Variants in HRH2 observed in about 807,000 individuals in gnomAD.
HRH2 encodes histamine H2 receptor.
Under a neutral mutation model 20.1 loss-of-function variants are expected in HRH2, and 4 were observed. That is an observed-to-expected ratio of 0.20 (90% CI 0.10 to 0.45). The LOEUF is 0.45. HRH2 is among the 20% of genes least tolerant of loss of function. The pLI, the probability that HRH2 is intolerant of heterozygous loss-of-function variation, is 0.99. For missense variants in HRH2, 250 were observed against 461.6 expected (o/e 0.54, Z 4.20); for synonymous variants, 197 against 200.7 (o/e 0.98, Z 0.16).
intron 1 of HRH2, among the ~76,000 whole-genome samples, chr5:175,674,544 G>C (rs890268836): frequency 2.0e-5 from 3 of 151,978 alleles, no homozygotes; most frequent in Non-Finnish European, 4.4e-5. Context: ...ACACGTCTCG[G>C]GGGTAGTGAG....
Position 175,683,998 on chromosome 5 carries a change from G to A in HRH2, c.765G>A (p.Val255=), listed in dbSNP as rs1240201251. Residue 255 remains valine, a synonymous_variant, in exon 2 of 3, where the codon GTG becomes GTA. Coordinates refer to ENST00000636584, the MANE Select transcript of HRH2 (RefSeq NM_001367711.1). The part of the protein sequence containing the change: ...ICWFPYFTAF[V]YRGLRGDDAI... ...GGTTTCCCTACTTCACCGCGTTTGT[G>A]TACCGTGGGCTGAGAGGGGATGATG... is the stretch of plus-strand genomic sequence containing the variant. The A allele has an allele frequency of 4.3e-6, 7 of 1,614,174 alleles. No homozygotes were observed. The South Asian group carries it at 7.7e-5, about 18-fold the overall frequency.
In HRH2 at chr5:175,683,092, A is replaced by C. The variant is rs1464898672; in HGVS notation, c.-142A>C. On this transcript the variant is annotated 5_prime_UTR_variant, in exon 2 of 3. Transcript: ENST00000636584. ...TTGAAGCCTTCCCCACCCCCTGGCC[A>C]AAAAAAAAAAAAAAAAAAAACTGGA... 3.9e-6 allele frequency: 1 copy of C among 259,552 alleles called. No homozygotes were observed. The highest frequency in any genetic ancestry group is 5.3e-6 in the Non-Finnish European group (1 of 187,002). 16.1% of individuals were successfully genotyped at this position (259,552 alleles called of 1,614,324 possible).
intron 1 of HRH2, among the ~76,000 whole-genome samples, chr5:175,669,704 C>T (rs1755455477): frequency 6.6e-6 from 1 of 152,192 alleles, no homozygotes; most frequent in East Asian, 1.9e-4. Flanking sequence ...GCACATGGCA[C>T]CCTCCCATTG....
At chr5:175,691,777 GGAGGCT>G (rs932137153) in intron 2 of HRH2, among the ~76,000 whole-genome samples, 2 of 151,984 alleles carry the variant, frequency 1.3e-5, no homozygotes, top group Non-Finnish European at 2.9e-5. Context: ...CAGCTGCTCA[GGAGGCT>G]GAGGCAGGAG....
chr5:175,674,740 G>A (rs1581422536), intron 1 of HRH2, among the ~76,000 whole-genome samples: 1 of 152,292 alleles, frequency 6.6e-6, no homozygotes, highest in East Asian at 1.9e-4. Context: ...CACCCCTCCT[G>A]ACTGAGAAGA....
rs558761964 is a variant in HRH2 at position 175,681,744 on chromosome 5, G to A, written c.-525-965G>A. ...GCCCGTGAGAGGGTGATGTGGGGAT[G>A]ATAGGATAAACCTATTCATGGTGAG... On this transcript the variant is annotated intron_variant, in intron 1 of 2. Coordinates refer to ENST00000636584, the MANE Select transcript of HRH2 (RefSeq NM_001367711.1). This position sits in a 1 kb window ranked among gnomAD's most constrained non-coding sequence, Gnocchi z 4.3. Among the ~76,000 whole-genome samples the A allele has an allele frequency of 1.3e-5, 2 of 152,332 alleles. No individual in the cohort carries two copies. Among genetic ancestry groups the A allele is most frequent in the South Asian group, 4.1e-4 (2 of 4,830 alleles).
chr5:175,698,332 T>C lies in HRH2; in HGVS notation c.1077-9447T>C, dbSNP rs957591236. ...AGTCTGCCCCACAGGAAGCAGCATG[T>C]CACAGTGGGAGAGAATCATGCTTTG... On this transcript the variant is annotated intron_variant, in intron 2 of 2. Coordinates refer to ENST00000636584, the MANE Select transcript of HRH2 (RefSeq NM_001367711.1). 3.9e-5 allele frequency among the ~76,000 whole-genome samples: 6 copies of C among 152,300 alleles called. No individual in the cohort carries two copies. The East Asian group carries it at 5.8e-4, about 15-fold the overall frequency.
rs1756551564 is a variant in HRH2, at chr5:175,695,680, ATTAG to A, written c.1076+11374_1076+11377del. Among the ~76,000 whole-genome samples the A allele has an allele frequency of 5.3e-5, 8 of 152,356 alleles. No individual in the cohort carries two copies. In the South Asian group the frequency reaches 1.7e-3, roughly 32 times the overall value. The stretch of plus-strand genomic sequence containing the variant: ...CTGCTGCCAGCGACATCGGAAGGTT[ATTAG>A]TTCCTCGAACCCACATCAGCAAGAG... On this transcript the variant is annotated intron_variant, in intron 2 of 2. Coordinates refer to ENST00000636584, the MANE Select transcript of HRH2 (RefSeq NM_001367711.1).
chr5:175,682,775 C>A lies in HRH2; in HGVS notation c.-459C>A. On this transcript the variant is annotated 5_prime_UTR_variant, in exon 2 of 3. Transcript: ENST00000636584. The stretch of plus-strand genomic sequence containing the variant: ...CTTGACTCCATCACGCAGATGGGAG[C>A]AGGCACCAGCTATGGAGAGGGATAC... The A allele has an allele frequency of 6.0e-6, 1 of 166,322 alleles. No homozygotes were observed. The allele number at this position is 166,322 out of a possible 1,614,324, so 10.3% of individuals were successfully genotyped here.
At chr5:175,678,817 C>T (rs959103191) in intron 1 of HRH2, among the ~76,000 whole-genome samples, 1 of 152,246 alleles carries the variant, frequency 6.6e-6, no homozygotes, top group African/African-American at 2.4e-5. Context: ...GCCAGGCTCC[C>T]ACAGGGCTGT....
At position 175,679,276 on chromosome 5, in the gene HRH2, C is replaced by A. The variant is rs34647055; in HGVS notation, c.-525-3433C>A. ...CTCCCAGGGCCTTGAAAACTCAAAA[C>A]TCTGCCCAATGGGATTAAAAAAACA... is the stretch of plus-strand genomic sequence containing the variant. On this transcript the variant is annotated intron_variant, in intron 1 of 2. Coordinates refer to ENST00000636584, the MANE Select transcript of HRH2 (RefSeq NM_001367711.1). Among the ~76,000 whole-genome samples, 58 of 152,078 alleles carry A rather than the reference C, an allele frequency of 3.8e-4. 1 individual carries two copies. The East Asian group carries it at 7.0e-3, about 18-fold the overall frequency.
At chr5:175,690,137 G>A (rs1474346964) in intron 2 of HRH2, among the ~76,000 whole-genome samples, 1 of 152,158 alleles carries the variant, frequency 6.6e-6, no homozygotes, top group East Asian at 1.9e-4. Context: ...GTTCCTGCCC[G>A]GCCTCTATGA....
rs1756073866 is a variant in HRH2, at chr5:175,683,810, C to G, written c.577C>G (p.Leu193Val). 1.9e-6 allele frequency: 3 copies of G among 1,614,032 alleles called. No individual in the cohort carries two copies. Among genetic ancestry groups the G allele is most frequent in the East Asian group, 2.2e-5 (1 of 44,884 alleles). The change falls in exon 2 of 3, where the codon CTC becomes GTC. Residue 193 changes from leucine (L) to valine (V), a missense_variant. Transcript: ENST00000636584. ...GLVDGLVTFY[L>V]PLLIMCITYY... Reference sequence around the variant, plus strand: ...GGTGGATGGGCTGGTCACCTTCTACCTCCCGCTACTGATCATGTGCATCAC... The same window carrying G: ...GGTGGATGGGCTGGTCACCTTCTACGTCCCGCTACTGATCATGTGCATCAC...
chr5:175,660,681 T>C (rs1455066799), intron 1 of HRH2, among the ~76,000 whole-genome samples: 2 of 152,052 alleles, frequency 1.3e-5, no homozygotes, highest in Non-Finnish European at 2.9e-5. Context: ...GGGTGCCTGA[T>C]TGAAAAAAAG....
At chr5:175,658,590 G>A (rs533586756) in intron 1 of HRH2, among the ~76,000 whole-genome samples, 2 of 152,286 alleles carry the variant, frequency 1.3e-5, no homozygotes, top group African/African-American at 2.4e-5. Context: ...GTCTGTCGGA[G>A]CATGGAGCAA....
At chr5:175,670,417 G>A (rs188077139) in intron 1 of HRH2, among the ~76,000 whole-genome samples, 1 of 152,308 alleles carries the variant, frequency 6.6e-6, no homozygotes, top group East Asian at 1.9e-4. Context: ...TGTGGCCATT[G>A]ATTCCATCTT....
intron 2 of HRH2, chr5:175,685,939 C>T (rs1255841932): frequency 6.3e-6 from 1 of 158,266 alleles, no homozygotes; most frequent in Non-Finnish European, 1.4e-5. Context: ...GCAGCTGCCA[C>T]CCCCATTCCC....
chr5:175,678,968 C>T (rs1351993824), intron 1 of HRH2, among the ~76,000 whole-genome samples: 2 of 152,184 alleles, frequency 1.3e-5, no homozygotes, highest in Non-Finnish European at 2.9e-5. Context: ...TAGATGGTCT[C>T]GCCCCTCTGG....
At chr5:175,672,284 G>A (rs1022474907) in intron 1 of HRH2, among the ~76,000 whole-genome samples, 1 of 152,092 alleles carries the variant, frequency 6.6e-6, no homozygotes, top group Non-Finnish European at 1.5e-5. Context: ...TGGCAGGGAT[G>A]TGGGCTTCTC....
Sources: allele counts gnomAD v4.1 joint callset (sites outside exome capture counted in the v4.1 genomes callset), GRCh38; gene constraint gnomAD v4.1.1; non-coding constraint Gnocchi (gnomAD v3.1); transcripts MANE v1.5; gene names NCBI Gene and HGNC (gene_info 2026-07-23, HGNC 2026-07-21).